The following TUSC3 variants were observed in gnomAD, a reference collection of about 807,000 sequenced individuals.
The protein encoded by TUSC3 is tumor suppressor candidate 3.
Under a neutral mutation model 44.8 loss-of-function variants are expected in TUSC3, and 45 were observed. The observed-to-expected ratio is 1.00, with a 90% confidence interval of 0.79 to 1.29. TUSC3 has a LOEUF of 1.29. Ranked by LOEUF, TUSC3 falls within the 50% of genes most tolerant of loss-of-function variation. The pLI is 0.00. For missense variants in TUSC3, 519 were observed against 437.9 expected, an observed-to-expected ratio of 1.19 and a Z score of -1.65; for synonymous variants, 212 against 152.9, an observed-to-expected ratio of 1.39 and a Z score of -2.85.
chr8:15,850,608 G>C, the TUSC3 span, among the ~76,000 whole-genome samples: 2 of 151,944 alleles, frequency 1.3e-5, no homozygotes, highest in African/African-American at 4.8e-5. Flanking sequence ...AGTTACTGTT[G>C]GCTTTTGAAA....
chr8:15,789,635 G>GAT, the TUSC3 span, among the ~76,000 whole-genome samples: 4,344 of 150,304 alleles, frequency 0.029, 196 homozygotes, highest in African/African-American at 0.1. Flanking sequence ...TGTGTATGCA[G>GAT]ATATATATAT....
chr8:15,539,763 A>AT (rs1801609926), upstream of TUSC3, among the ~76,000 whole-genome samples: 1 of 152,130 alleles, frequency 6.6e-6, no homozygotes, highest in South Asian at 2.1e-4. Flanking sequence ...TGGATGCTGA[A>AT]TGAGTCATTG....
rs111415550 is a variant in TUSC3 at position 15,456,933 on chromosome 8, T to C, written n.92-26453T>C. On this transcript the variant is annotated intron_variant and non_coding_transcript_variant, in intron 1 of 5. Transcript: ENST00000503191. ...AAAAAATATTAAGAACACTTATTCA[T>C]CAAAGGGCACCTTTATGAAAATAAA... Among the ~76,000 whole-genome samples, 28 of 152,230 alleles carry C rather than the reference T, an allele frequency of 1.8e-4. 2 individuals carry two copies. Among genetic ancestry groups the C allele is most frequent in the African/African-American group, 6.5e-4 (27 of 41,566 alleles).
chr8:15,812,316 A>T, the TUSC3 span, among the ~76,000 whole-genome samples: 2 of 152,318 alleles, frequency 1.3e-5, no homozygotes, highest in South Asian at 4.1e-4. Context: ...AACATTCAGG[A>T]GGTTGTCTGT....
At chr8:15,423,759 A>G (rs1471742863) in intron 1 of TUSC3, among the ~76,000 whole-genome samples, 1 of 152,028 alleles carries the variant, frequency 6.6e-6, no homozygotes, top group Non-Finnish European at 1.5e-5. Context: ...ATTCTGAAGA[A>G]GTAAGTCTGA....
chr8:15,539,659 G>C (rs910442250), upstream of TUSC3, among the ~76,000 whole-genome samples: 10 of 152,036 alleles, frequency 6.6e-5, no homozygotes, highest in African/African-American at 2.4e-4. Context: ...GTCTGCTATG[G>C]TTCTTAAAAT....
intron 1 of TUSC3, among the ~76,000 whole-genome samples, chr8:15,608,493 G>T (rs1038363250): frequency 6.6e-6 from 1 of 152,006 alleles, no homozygotes; most frequent in South Asian, 2.1e-4. Context: ...AAGTTTCTTC[G>T]GAGATTTTTA....
chr8:15,783,863 C>T, the TUSC3 span, among the ~76,000 whole-genome samples: 6 of 152,044 alleles, frequency 3.9e-5, no homozygotes, highest in East Asian at 1.9e-4. Flanking sequence ...AATGGGATTA[C>T]GTGAAACAAA....
chr8:15,507,990 C>A (rs1801081484), intron 2 of TUSC3, among the ~76,000 whole-genome samples: 1 of 152,164 alleles, frequency 6.6e-6, no homozygotes, highest in East Asian at 1.9e-4. Flanking sequence ...GCCTGTAATC[C>A]CAGCACTTTG....
intron 7 of TUSC3, among the ~76,000 whole-genome samples, chr8:15,740,995 G>T (rs1811169435): frequency 6.6e-6 from 1 of 152,140 alleles, no homozygotes; most frequent in Non-Finnish European, 1.5e-5. Flanking sequence ...GTTACTCATA[G>T]TTTTCAACAT....
At chr8:15,498,543 A>T (rs1229195500) in intron 2 of TUSC3, among the ~76,000 whole-genome samples, 1 of 152,208 alleles carries the variant, frequency 6.6e-6, no homozygotes, top group Non-Finnish European at 1.5e-5. Context: ...TTGAAGTTGA[A>T]TCGCTCTACA....
chr8:15,836,147 T>TA, the TUSC3 span, among the ~76,000 whole-genome samples: 1 of 151,956 alleles, frequency 6.6e-6, no homozygotes, highest in Admixed American at 6.6e-5. Flanking sequence ...TAAAATTATT[T>TA]TTTTTTGTTT....
chr8:15,795,864 C>T, the TUSC3 span, among the ~76,000 whole-genome samples: 498 of 152,028 alleles, frequency 3.3e-3, 2 homozygotes, highest in Middle Eastern at 0.014. Flanking sequence ...CCAATCTGTC[C>T]TTTATATTCA....
the TUSC3 span, among the ~76,000 whole-genome samples, chr8:15,781,372 G>A: frequency 6.6e-6 from 1 of 152,048 alleles, no homozygotes; most frequent in Admixed American, 6.6e-5. Flanking sequence ...ATCTTCTGGG[G>A]CCCACGTAAA....
At chr8:15,689,174 C>A in intron 6 of TUSC3, 1 of 402,742 alleles carries the variant, frequency 2.5e-6, no homozygotes. Flanking sequence ...CTTCTTGCTT[C>A]GGAGAATAAG....
intron 6 of TUSC3, among the ~76,000 whole-genome samples, chr8:15,694,779 T>G (rs1465366714): frequency 6.6e-6 from 1 of 152,118 alleles, no homozygotes; most frequent in Non-Finnish European, 1.5e-5. Context: ...TGTTCTCTGG[T>G]CCCTCCTGAT....
intron 3 of TUSC3, among the ~76,000 whole-genome samples, chr8:15,655,582 C>T (rs1218409401): frequency 6.6e-6 from 1 of 152,164 alleles, no homozygotes. Context: ...TCCAAGTGCA[C>T]TTCCTTCTAT....
intron 1 of TUSC3, among the ~76,000 whole-genome samples, chr8:15,614,792 T>G (rs1046512046): frequency 1.3e-5 from 2 of 152,154 alleles, no homozygotes; most frequent in Non-Finnish European, 2.9e-5. Context: ...TGCCGGATTA[T>G]TATTCTTTTT....
the TUSC3 span, among the ~76,000 whole-genome samples, chr8:15,822,107 A>G: frequency 6.6e-6 from 1 of 152,220 alleles, no homozygotes; most frequent in Non-Finnish European, 1.5e-5. Flanking sequence ...TGAGATACCA[A>G]TATAATGCTA....
Sources: allele counts gnomAD v4.1 joint callset (sites outside exome capture counted in the v4.1 genomes callset), GRCh38; gene constraint gnomAD v4.1.1; transcripts MANE v1.5; gene names NCBI Gene and HGNC (gene_info 2026-07-23, HGNC 2026-07-21).